The following WNK3 variants were observed in gnomAD, a reference collection of about 807,000 sequenced individuals.
The protein encoded by WNK3 is serine/threonine-protein kinase WNK3.
Under a neutral mutation model 116.7 loss-of-function variants are expected in WNK3, and 18 were observed. That is an observed-to-expected ratio of 0.15 (90% CI 0.11 to 0.23). The LOEUF is 0.23. Among genes scored for constraint, WNK3 ranks in the 10% least tolerant of loss-of-function variants. WNK3 has a pLI of 1.00. For missense variants in WNK3, 993 were observed against 1,323.8 expected (o/e 0.75, Z 3.88); for synonymous variants, 404 against 469.4 (o/e 0.86, Z 1.80).
chrX:54,199,828 C>T (rs1557141230), intron 23 of WNK3, among the ~76,000 whole-genome samples: 1 of 111,219 alleles, frequency 9.0e-6, no homozygotes. Flanking sequence ...AGTGAAACTC[C>T]GTCTCAAAAA....
intron 22 of WNK3, among the ~76,000 whole-genome samples, chrX:54,219,874 T>A (rs1326419258): frequency 1.8e-5 from 2 of 111,002 alleles, no homozygotes; most frequent in Non-Finnish European, 3.8e-5. Context: ...GTGAAAAGTA[T>A]GTAATAGAGT....
chrX:54,333,948 T>A (rs1305141543), intron 1 of WNK3, among the ~76,000 whole-genome samples, 156 bp from the exon 2 acceptor site: 1 of 111,903 alleles, frequency 8.9e-6, no homozygotes, highest in Non-Finnish European at 1.9e-5. Flanking sequence ...AGGGACTGTG[T>A]CTTATCTTGT....
At chrX:54,265,709 C>T (rs28634267) in intron 10 of WNK3, among the ~76,000 whole-genome samples, 1,868 of 112,437 alleles carry the variant, frequency 0.017, 28 homozygotes, top group African/African-American at 0.058. Flanking sequence ...TACAAAAGAA[C>T]AAAAGCAAAA....
At chrX:54,245,234 C>T (rs1166332128) in intron 17 of WNK3, among the ~76,000 whole-genome samples, 9 of 106,890 alleles carry the variant, frequency 8.4e-5, no homozygotes, top group Non-Finnish European at 1.3e-4. Context: ...TGCCTGTAAT[C>T]CCACTGCTTT....
chrX:54,251,726 T>C, intron 13 of WNK3, 39 bp from the exon 14 acceptor site: 1 of 1,166,390 alleles, frequency 8.6e-7, no homozygotes. Flanking sequence ...ATGAATTCAG[T>C]TTCTTCAAAG....
chrX:54,204,246 A>G (rs1048554256), intron 22 of WNK3, among the ~76,000 whole-genome samples: 1 of 110,299 alleles, frequency 9.1e-6, no homozygotes, highest in African/African-American at 3.3e-5. Flanking sequence ...CAGCCTCCCG[A>G]GTAGCTGGAA....
intron 2 of WNK3, among the ~76,000 whole-genome samples, chrX:54,326,473 G>A (rs1348557010): frequency 9.0e-6 from 1 of 110,999 alleles, no homozygotes; most frequent in African/African-American, 3.3e-5. Flanking sequence ...GGAGGCCAAG[G>A]TAGGAGGATC....
intron 10 of WNK3, among the ~76,000 whole-genome samples, chrX:54,268,168 C>A (rs373925522): frequency 3.7e-5 from 4 of 107,840 alleles, no homozygotes; most frequent in African/African-American, 1.4e-4. Flanking sequence ...GCAATAACTC[C>A]CCAGTAGCAG....
At chrX:54,351,785 A>G (rs782637248) in intron 1 of WNK3, among the ~76,000 whole-genome samples, 2 of 110,955 alleles carry the variant, frequency 1.8e-5, no homozygotes, top group African/African-American at 6.6e-5. Context: ...GGTGGCACGC[A>G]CCTGTAGTCC....
At chrX:54,197,179 C>T (rs1187098025) in exon 24 of WNK3, 1 of 111,850 alleles carries the variant, frequency 8.9e-6, no homozygotes, top group Non-Finnish European at 1.9e-5. Context: ...TCCCCCCAAA[C>T]GAGATTCATA....
intron 17 of WNK3, among the ~76,000 whole-genome samples, chrX:54,243,337 C>T (rs2068042440): frequency 9.9e-6 from 1 of 100,594 alleles, no homozygotes; most frequent in African/African-American, 3.7e-5. Flanking sequence ...AGGAGAATGG[C>T]GTGAACCCGG....
chrX:54,295,088 G>A (rs998759796), intron 7 of WNK3, among the ~76,000 whole-genome samples: 12 of 108,455 alleles, frequency 1.1e-4, no homozygotes, highest in African/African-American at 2.0e-4. Context: ...TAGTAGGGAC[G>A]GGGTTTCACT....
At chrX:54,214,283 A>G (rs1459196347) in intron 22 of WNK3, among the ~76,000 whole-genome samples, 2 of 111,325 alleles carry the variant, frequency 1.8e-5, no homozygotes, top group Admixed American at 9.6e-5. Context: ...AAGCCTGGCC[A>G]AAAGTTTGAA....
At chrX:54,252,808 G>A (rs2068149502) in intron 13 of WNK3, among the ~76,000 whole-genome samples, 2 of 110,696 alleles carry the variant, frequency 1.8e-5, no homozygotes, top group African/African-American at 3.3e-5. Flanking sequence ...CTTTTAAAAT[G>A]TTTAATTCTG....
At chrX:54,235,688 T>A (rs994691391) in intron 20 of WNK3, among the ~76,000 whole-genome samples, 112 of 111,924 alleles carry the variant, frequency 1.0e-3, no homozygotes, top group African/African-American at 3.5e-3. Flanking sequence ...AAGCATAAGA[T>A]ATATTCAAAA....
chrX:54,293,487 G>T (rs2068663406), intron 8 of WNK3, among the ~76,000 whole-genome samples, 160 bp from the exon 9 acceptor site: 1 of 111,663 alleles, frequency 9.0e-6, no homozygotes, highest in Non-Finnish European at 1.9e-5. Context: ...TCAAAAACCA[G>T]CATGTAAACT....
At chrX:54,242,779 A>G (rs1175977489) in intron 17 of WNK3, among the ~76,000 whole-genome samples, 5 of 111,654 alleles carry the variant, frequency 4.5e-5, no homozygotes, top group African/African-American at 1.6e-4. Context: ...TTAACTCAAC[A>G]TATATCAAAG....
intron 1 of WNK3, among the ~76,000 whole-genome samples, chrX:54,357,421 C>A (rs2069608811): frequency 9.0e-6 from 1 of 111,640 alleles, no homozygotes; most frequent in African/African-American, 3.2e-5. Flanking sequence ...CCCACTTTCC[C>A]CCTGTTCATT....
At chrX:54,345,533 G>A (rs1176911192) in intron 1 of WNK3, among the ~76,000 whole-genome samples, 1 of 110,496 alleles carries the variant, frequency 9.1e-6, no homozygotes, top group East Asian at 2.8e-4. Context: ...GGCGATTCTA[G>A]AAACAGCATT....
Sources: gnomAD v4.1 joint callset for allele counts (sites outside exome capture counted in the v4.1 genomes callset) on GRCh38, gnomAD v4.1.1 for gene constraint, MANE v1.5 for transcripts, NCBI Gene and HGNC (gene_info 2026-07-23, HGNC 2026-07-21) for gene names.